Variants in PACRG observed in about 807,000 individuals in gnomAD.
The protein encoded by PACRG is parkin coregulated gene protein.
Under a neutral mutation model 29.7 loss-of-function variants are expected in PACRG, and 29 were observed. The observed-to-expected ratio is 0.98, with a 90% confidence interval of 0.73 to 1.33. The LOEUF (loss-of-function observed/expected upper bound fraction) is 1.33. PACRG is among the 40% of genes most tolerant of loss of function. PACRG has a pLI of 0.00. For missense variants in PACRG, 279 were observed against 316.2 expected (o/e 0.88, Z 0.89); for synonymous variants, 116 against 118.7 (o/e 0.98, Z 0.15).
chr6:162,924,642 G>T (rs1185772379), intron 2 of PACRG, among the ~76,000 whole-genome samples: 5 of 151,916 alleles, frequency 3.3e-5, no homozygotes, highest in Non-Finnish European at 5.9e-5. Flanking sequence ...TGTCCATTGG[G>T]ATGATAATAC....
chr6:162,943,112 G>T (rs758397625), intron 2 of PACRG, among the ~76,000 whole-genome samples: 1 of 152,132 alleles, frequency 6.6e-6, no homozygotes, highest in Non-Finnish European at 1.5e-5. Flanking sequence ...AGACTAACAT[G>T]GGGAGCTGCC....
intron 2 of PACRG, among the ~76,000 whole-genome samples, chr6:162,901,737 T>G (rs1312409183): frequency 6.6e-6 from 1 of 152,250 alleles, no homozygotes; most frequent in Non-Finnish European, 1.5e-5. Flanking sequence ...ACACTTTATT[T>G]GTTAGATTTC....
chr6:162,975,233 G>A (rs756453459), intron 2 of PACRG, among the ~76,000 whole-genome samples: 1 of 152,128 alleles, frequency 6.6e-6, no homozygotes, highest in African/African-American at 2.4e-5. Context: ...CCCAGCCACC[G>A]TCATGTAAAT....
chr6:162,872,264 C>T (rs1395127832), intron 2 of PACRG, among the ~76,000 whole-genome samples: 6 of 152,122 alleles, frequency 3.9e-5, no homozygotes, highest in South Asian at 2.1e-4. Flanking sequence ...CAGTAGACAG[C>T]GGTATTGTTA....
At chr6:163,207,340 C>A (rs1363411244) in intron 4 of PACRG, among the ~76,000 whole-genome samples, 1 of 152,058 alleles carries the variant, frequency 6.6e-6, no homozygotes. Flanking sequence ...ACAGGTGATA[C>A]CCAGGGTTTC....
intron 4 of PACRG, among the ~76,000 whole-genome samples, chr6:163,140,484 T>C (rs73786995): frequency 6.6e-6 from 1 of 152,142 alleles, no homozygotes; most frequent in African/African-American, 2.4e-5. Flanking sequence ...CTGCTGCCAA[T>C]GCCATCTGCT....
At chr6:162,983,852 A>T (rs893330857) in intron 2 of PACRG, among the ~76,000 whole-genome samples, 1 of 151,950 alleles carries the variant, frequency 6.6e-6, no homozygotes, top group African/African-American at 2.4e-5. Context: ...GATGTCTAGA[A>T]CTGAAGTGAG....
chr6:163,120,197 A>T (rs1004965533), intron 4 of PACRG, among the ~76,000 whole-genome samples: 2 of 152,176 alleles, frequency 1.3e-5, no homozygotes, highest in Non-Finnish European at 2.9e-5. Context: ...GGTCACTTGA[A>T]TACTGACCTA....
intron 2 of PACRG, among the ~76,000 whole-genome samples, chr6:162,839,584 G>C (rs2128406285): frequency 6.6e-6 from 1 of 152,248 alleles, no homozygotes; most frequent in East Asian, 1.9e-4. Flanking sequence ...CTGTGCAGAA[G>C]CTCTTGAGTT....
chr6:163,308,261 C>G (rs1785265286), intron 4 of PACRG, among the ~76,000 whole-genome samples: 1 of 152,032 alleles, frequency 6.6e-6, no homozygotes. Flanking sequence ...AAATTTTTAG[C>G]TTTATTTCAC....
intron 2 of PACRG, among the ~76,000 whole-genome samples, chr6:162,954,667 C>T (rs774551822): frequency 5.9e-5 from 9 of 152,090 alleles, no homozygotes; most frequent in African/African-American, 1.9e-4. Flanking sequence ...TTGAGGCTTA[C>T]TGTGTACTAG....
chr6:162,758,279 A>T (rs914909013), intron 1 of PACRG, among the ~76,000 whole-genome samples: 1 of 152,138 alleles, frequency 6.6e-6, no homozygotes, highest in Admixed American at 6.6e-5. Flanking sequence ...AGACTTTACA[A>T]GCTCTAGACT....
rs758050952 is a variant in PACRG, at chr6:162,935,902, A to G, written c.291+121621A>G. Among the ~76,000 whole-genome samples the G allele has an allele frequency of 1.1e-4, 17 of 152,332 alleles. No homozygotes were observed. The South Asian group carries it at 2.3e-3, about 20-fold the overall frequency. On this transcript the variant is annotated intron_variant, in intron 2 of 4. Transcript: ENST00000366888. ...AAGACTACTGGGAGCAAAATGAAAC[A>G]TACTTCAACATTACTGTTCTTCAAA... is the stretch of plus-strand genomic sequence containing the variant.
intron 2 of PACRG, among the ~76,000 whole-genome samples, chr6:162,912,460 A>T (rs1486285528): frequency 6.6e-6 from 1 of 152,188 alleles, no homozygotes. Context: ...CATCCTTGCC[A>T]GCATGTAGCA....
chr6:163,157,389 A>G (rs1442440044), intron 4 of PACRG, among the ~76,000 whole-genome samples: 1 of 152,132 alleles, frequency 6.6e-6, no homozygotes, highest in Non-Finnish European at 1.5e-5. Context: ...GTGGAACGGC[A>G]CACTCCTTCT....
At chr6:163,154,591 C>T (rs1413105011) in intron 4 of PACRG, among the ~76,000 whole-genome samples, 1 of 152,178 alleles carries the variant, frequency 6.6e-6, no homozygotes, top group Non-Finnish European at 1.5e-5. Context: ...CTAGATGTTG[C>T]TCTTGCTCAT....
At chr6:162,760,803 A>T (rs1482549047) in intron 1 of PACRG, among the ~76,000 whole-genome samples, 1 of 152,072 alleles carries the variant, frequency 6.6e-6, no homozygotes, top group East Asian at 1.9e-4. Context: ...TGGTGAAAGG[A>T]TCACTCCAGA....
chr6:162,981,889 A>G (rs1412866062), intron 2 of PACRG, among the ~76,000 whole-genome samples: 2 of 147,700 alleles, frequency 1.4e-5, no homozygotes, highest in African/African-American at 5.0e-5. Flanking sequence ...TCAGCTGTGA[A>G]TCCATCTGGT....
In PACRG at chr6:163,272,772, T is replaced by C. The variant is rs572134196; in HGVS notation, c.614-42055T>C. On this transcript the variant is annotated intron_variant, in intron 4 of 4. Transcript: ENST00000366888. ...TTGTCCAGTGCTTTATCAACATCCATGGAAATGATCATAATATTTTTTACT... is the reference window on the plus strand; with the variant it reads ...TTGTCCAGTGCTTTATCAACATCCACGGAAATGATCATAATATTTTTTACT... Among the ~76,000 whole-genome samples the C allele has an allele frequency of 9.9e-5, 15 of 152,272 alleles. 1 individual carries two copies. Among genetic ancestry groups the C allele is most frequent in the Non-Finnish European group, 2.1e-4 (14 of 68,030 alleles).
Sources: gnomAD v4.1 joint callset for allele counts (sites outside exome capture counted in the v4.1 genomes callset) on GRCh38, gnomAD v4.1.1 for gene constraint, MANE v1.5 for transcripts, NCBI Gene and HGNC (gene_info 2026-07-23, HGNC 2026-07-21) for gene names.